CLEC16A: variants seen among roughly 807,000 people sequenced by gnomAD.
The protein encoded by CLEC16A is C-type lectin domain containing 16A.
Under a neutral mutation model 109.5 loss-of-function variants are expected in CLEC16A, and 51 were observed. The observed-to-expected ratio is 0.47, with a 90% CI of 0.37 to 0.59. CLEC16A has a LOEUF of 0.59. CLEC16A is among the 20% of genes least tolerant of loss of function. The pLI, the probability that CLEC16A is intolerant of heterozygous loss-of-function variation, is 0.00. For missense variants in CLEC16A, 1,339 were observed against 1,394.0 expected (o/e 0.96, Z 0.63); for synonymous variants, 673 against 564.2 (o/e 1.19, Z -2.73).
At chr16:11,073,966 A>G (rs1354623704) in intron 19 of CLEC16A, among the ~76,000 whole-genome samples, 2 of 152,242 alleles carry the variant, frequency 1.3e-5, no homozygotes. Flanking sequence ...ATGTTTGTTC[A>G]TCATTAACAT....
chr16:11,103,872 C>G (rs183742644), intron 19 of CLEC16A, among the ~76,000 whole-genome samples: 29 of 152,174 alleles, frequency 1.9e-4, no homozygotes, highest in African/African-American at 6.5e-4. Flanking sequence ...ATCTATGAAG[C>G]CTTTTCTTCC....
intron 5 of CLEC16A, 31 bp downstream of exon 5, chr16:10,971,261 T>A (rs371603009): frequency 8.6e-6 from 13 of 1,513,718 alleles, no homozygotes; most frequent in Non-Finnish European, 1.2e-5. Flanking sequence ...GTGTCTCGGC[T>A]GATTTCTGAC....
intron 22 of CLEC16A, among the ~76,000 whole-genome samples, chr16:11,161,666 C>T (rs1333487925): frequency 6.6e-6 from 1 of 152,226 alleles, no homozygotes; most frequent in Non-Finnish European, 1.5e-5. Context: ...TCAACTCAAA[C>T]GCCCACACGG....
intron 19 of CLEC16A, among the ~76,000 whole-genome samples, chr16:11,075,662 C>G (rs1234957220): frequency 2.0e-5 from 3 of 151,982 alleles, no homozygotes; most frequent in African/African-American, 4.8e-5. Context: ...GTCTCAAACT[C>G]CTGGGCTCAA....
At chr16:11,156,369 C>CA (rs1284066021) in intron 22 of CLEC16A, among the ~76,000 whole-genome samples, 2,345 of 53,286 alleles carry the variant, frequency 0.044, 70 homozygotes, top group African/African-American at 0.1. Context: ...GACTCCATCT[C>CA]AAAAAAAAAA....
At chr16:10,993,075 A>G (rs572603603) in intron 10 of CLEC16A, among the ~76,000 whole-genome samples, 2 of 152,108 alleles carry the variant, frequency 1.3e-5, no homozygotes, top group South Asian at 4.2e-4. Flanking sequence ...TTGGTGGAAG[A>G]GAGGGACGGT....
chr16:11,071,600 CTTTT>C (rs762936938), intron 19 of CLEC16A, among the ~76,000 whole-genome samples: 6 of 118,912 alleles, frequency 5.0e-5, no homozygotes, highest in African/African-American at 1.6e-4. Context: ...TATTACGTTT[CTTTT>C]TTTTTTTTTT....
chr16:10,998,843 G>A (rs1039915265), intron 10 of CLEC16A, among the ~76,000 whole-genome samples: 1 of 152,106 alleles, frequency 6.6e-6, no homozygotes, highest in African/African-American at 2.4e-5. Flanking sequence ...TTCTCCTAGG[G>A]GCTTCAGACT....
At chr16:10,980,926 A>T (rs1448282880) in intron 9 of CLEC16A, among the ~76,000 whole-genome samples, 3 of 152,158 alleles carry the variant, frequency 2.0e-5, no homozygotes, top group Admixed American at 6.5e-5. Flanking sequence ...AAACCATGAA[A>T]ATTTTTATGG....
intron 19 of CLEC16A, among the ~76,000 whole-genome samples, chr16:11,090,271 G>A (rs1340756816): frequency 6.6e-6 from 1 of 152,088 alleles, no homozygotes; most frequent in Non-Finnish European, 1.5e-5. Context: ...GCCCAGTCTG[G>A]TCTCGAACTC....
intron 12 of CLEC16A, among the ~76,000 whole-genome samples, chr16:11,022,091 C>G (rs570218570): frequency 6.6e-6 from 1 of 152,238 alleles, no homozygotes; most frequent in South Asian, 2.1e-4. Context: ...CATCTTGAAG[C>G]ACATGGCTTC....
At position 10,944,609 on chromosome 16, in the gene CLEC16A, C is replaced by T. The variant is rs1192414028; in HGVS notation, c.-109C>T. 9 of 1,097,262 alleles carry T rather than the reference C, an allele frequency of 8.2e-6. No individual in the cohort carries two copies. Among genetic ancestry groups the T allele is most frequent in the Non-Finnish European group, 7.9e-6 (6 of 762,368 alleles). 68.0% of individuals were successfully genotyped at this position (1,097,262 alleles called of 1,614,324 possible). A position where few individuals can be genotyped will look rare whatever the true frequency, so the allele number is the denominator to read the frequency against. Reference sequence around the variant, plus strand: ...GGAGGAAGGCGGCTCGCGGTTCCTCCACCGCCTCCGCCGCCGCATCCTCCG... The same window carrying T: ...GGAGGAAGGCGGCTCGCGGTTCCTCTACCGCCTCCGCCGCCGCATCCTCCG... On this transcript the variant is annotated 5_prime_UTR_variant, in exon 1 of 24. Transcript: ENST00000409790.
chr16:11,132,101 C>T (rs2053245651), intron 22 of CLEC16A, among the ~76,000 whole-genome samples: 1 of 152,178 alleles, frequency 6.6e-6, no homozygotes, highest in Non-Finnish European at 1.5e-5. Flanking sequence ...TAAAACTAAC[C>T]ACTTGAAAGT....
rs1320462533 is a variant in CLEC16A, at chr16:11,178,471, C to G, written c.2943C>G (p.Pro981=). The change falls in exon 24 of 24, where the codon CCC becomes CCG. Residue 981 remains proline, a synonymous_variant. Coordinates refer to ENST00000409790, the MANE Select transcript of CLEC16A (RefSeq NM_015226.3). The surrounding 1 kb of genome is among the most constrained non-coding windows in gnomAD (Gnocchi z 6.5). ...CCGTGGAGACAGCCAGCCTGTCCCC[C>G]AGCCTCGTCCCTGCCCGGCAGCCCA... ...SAAVETASLS[P]SLVPARQPTI... is the part of the protein sequence containing the mutation. 6.2e-7 allele frequency: 1 copy of G among 1,613,566 alleles called. No individual in the cohort carries two copies. Among genetic ancestry groups the G allele is most frequent in the Non-Finnish European group, 8.5e-7 (1 of 1,179,900 alleles).
At chr16:11,133,238 C>T (rs558249380) in intron 22 of CLEC16A, among the ~76,000 whole-genome samples, 3 of 152,030 alleles carry the variant, frequency 2.0e-5, no homozygotes, top group African/African-American at 7.2e-5. Flanking sequence ...ACTCGGGAGG[C>T]TGAGGCAGGA....
intron 22 of CLEC16A, among the ~76,000 whole-genome samples, chr16:11,145,206 G>A (rs1384982400): frequency 6.6e-6 from 1 of 152,172 alleles, no homozygotes; most frequent in Non-Finnish European, 1.5e-5. Flanking sequence ...CAAGCAGAGG[G>A]CGAAGGTCCC....
At chr16:10,972,877 T>TA in intron 6 of CLEC16A, 61 bp from the exon 7 acceptor site, 2 of 1,507,376 alleles carry the variant, frequency 1.3e-6, no homozygotes, top group Non-Finnish European at 8.9e-7. Context: ...GTTTTTTTTT[T>TA]AATCTTCCCC....
chr16:11,169,280 G>A (rs1276260527), intron 23 of CLEC16A, among the ~76,000 whole-genome samples: 4 of 151,942 alleles, frequency 2.6e-5, no homozygotes, highest in African/African-American at 9.7e-5. Flanking sequence ...CCATTGATTT[G>A]TTTTTTGTTT....
At chr16:10,988,842 C>T (rs953419829) in intron 10 of CLEC16A, among the ~76,000 whole-genome samples, 1 of 152,152 alleles carries the variant, frequency 6.6e-6, no homozygotes. Context: ...GTGCTTACTC[C>T]AAAGCCTTTT....
Sources: gnomAD v4.1 joint callset for allele counts (sites outside exome capture counted in the v4.1 genomes callset) on GRCh38, gnomAD v4.1.1 for gene constraint, Gnocchi (gnomAD v3.1) non-coding constraint, MANE v1.5 for transcripts, NCBI Gene and HGNC (gene_info 2026-07-23, HGNC 2026-07-21) for gene names.